The following HS6ST2 variants were observed in gnomAD, a reference collection of about 807,000 sequenced individuals.
HS6ST2 encodes the protein heparan-sulfate 6-O-sulfotransferase 2.
HS6ST2 carries 17 observed loss-of-function variants against 33.0 expected under a neutral mutation model. That is an observed-to-expected ratio of 0.52 (90% CI 0.35 to 0.77). HS6ST2 has a LOEUF of 0.77. HS6ST2 is among the 30% of genes least tolerant of loss of function. The pLI, the probability that HS6ST2 is intolerant of heterozygous loss-of-function variation, is 0.01. For synonymous variants in HS6ST2, 248 were observed against 237.1 expected (o/e 1.05, Z -0.42); for missense variants, 519 against 551.7 (o/e 0.94, Z 0.59).
At chrX:132,635,543 C>G (rs1020272713) in intron 4 of HS6ST2, among the ~76,000 whole-genome samples, 2 of 111,718 alleles carry the variant, frequency 1.8e-5, no homozygotes, top group African/African-American at 6.5e-5. Flanking sequence ...CCAGCCTTCT[C>G]AAGTGAGCTC....
intron 3 of HS6ST2, among the ~76,000 whole-genome samples, chrX:132,685,550 A>G (rs997996043): frequency 4.5e-5 from 5 of 111,201 alleles, no homozygotes; most frequent in African/African-American, 1.6e-4. Flanking sequence ...TACCCAGAGA[A>G]GCTGTATACA....
At chrX:132,859,466 TAA>T (rs2065887173) in intron 2 of HS6ST2, among the ~76,000 whole-genome samples, 1 of 108,994 alleles carries the variant, frequency 9.2e-6, no homozygotes, top group South Asian at 4.0e-4. Flanking sequence ...AGAGTAAAAA[TAA>T]AGAGGAAATG....
intron 2 of HS6ST2, among the ~76,000 whole-genome samples, chrX:132,823,701 C>CAA (rs34640492): frequency 1.6e-5 from 1 of 61,284 alleles, no homozygotes. Flanking sequence ...ACTAAAAATA[C>CAA]AAAAAAAAAA....
intron 2 of HS6ST2, among the ~76,000 whole-genome samples, chrX:132,874,304 A>G (rs2066089794): frequency 8.9e-6 from 1 of 112,813 alleles, no homozygotes; most frequent in Non-Finnish European, 1.9e-5. Context: ...CCGGCTGGGC[A>G]TGGTGGCTCA....
intron 4 of HS6ST2, among the ~76,000 whole-genome samples, chrX:132,658,746 G>C (rs1289338253): frequency 1.8e-5 from 2 of 112,226 alleles, no homozygotes; most frequent in African/African-American, 6.5e-5. Context: ...AGAGAAGGCT[G>C]TTTGCAAATT....
intron 4 of HS6ST2, among the ~76,000 whole-genome samples, chrX:132,648,914 T>G (rs2063667337): frequency 8.9e-6 from 1 of 112,083 alleles, no homozygotes; most frequent in African/African-American, 3.2e-5. Context: ...TAAAAGATCC[T>G]GAAATGTGTG....
At chrX:132,946,871 G>C (rs900137138) in intron 2 of HS6ST2, among the ~76,000 whole-genome samples, 2 of 111,843 alleles carry the variant, frequency 1.8e-5, no homozygotes, top group Admixed American at 9.5e-5. Flanking sequence ...AATAGTAATA[G>C]ATCTTCTTGG....
intron 2 of HS6ST2, among the ~76,000 whole-genome samples, chrX:132,850,157 T>A (rs2065788765): frequency 8.9e-6 from 1 of 112,518 alleles, no homozygotes; most frequent in African/African-American, 3.2e-5. Context: ...TATGGTTTTA[T>A]AATGTTCCCT....
At position 132,689,260 on chromosome X, in the gene HS6ST2, G is replaced by T. The variant is rs148090848; in HGVS notation, c.980+19202C>A. ...TTGGTGGGAGATGCCATATCAAATA[G>T]ATAAGTAATTAGCCAGAAATCGGTA... On this transcript the variant is annotated intron_variant, in intron 3 of 4. Transcript: ENST00000370833. Among the ~76,000 whole-genome samples, 811 of 112,398 alleles carry T rather than the reference G, an allele frequency of 7.2e-3. 5 individuals carry two copies. The highest frequency in any genetic ancestry group is 0.025 in the African/African-American group (769 of 30,925).
rs761404801 is a variant in HS6ST2, at chrX:132,780,109, A to C, written c.948-71615T>G. 9.9e-5 allele frequency among the ~76,000 whole-genome samples: 11 copies of C among 111,105 alleles called. No homozygotes were observed. In the South Asian group the frequency reaches 4.2e-3, roughly 43 times the overall value. On this transcript the variant is annotated intron_variant, in intron 2 of 4. Coordinates refer to ENST00000370833, the MANE Select transcript of HS6ST2 (RefSeq NM_001394073.1). ...GATCAGCTACATGGAATACATGTTGAGCCCATCTCTGATTTGCACAGGAGC... is the reference window on the plus strand; with the variant it reads ...GATCAGCTACATGGAATACATGTTGCGCCCATCTCTGATTTGCACAGGAGC...
intron 2 of HS6ST2, among the ~76,000 whole-genome samples, chrX:132,753,097 C>A (rs2064723241): frequency 9.0e-6 from 1 of 111,495 alleles, no homozygotes; most frequent in Admixed American, 9.5e-5. Context: ...GCTCTGGCTG[C>A]TGGGCACAGC....
intron 3 of HS6ST2, among the ~76,000 whole-genome samples, chrX:132,681,737 T>C (rs1245443344): frequency 8.9e-6 from 1 of 112,622 alleles, no homozygotes; most frequent in African/African-American, 3.2e-5. Flanking sequence ...CCGTCACCTC[T>C]TTGTAATATA....
chrX:132,691,778 A>T (rs1445430085), intron 3 of HS6ST2, among the ~76,000 whole-genome samples: 1 of 112,024 alleles, frequency 8.9e-6, no homozygotes, highest in Non-Finnish European at 1.9e-5. Context: ...TTCTGTTAAA[A>T]ATAAATCTCT....
At chrX:132,890,483 G>C (rs1293885888) in intron 2 of HS6ST2, among the ~76,000 whole-genome samples, 3 of 107,798 alleles carry the variant, frequency 2.8e-5, no homozygotes, top group Non-Finnish European at 5.8e-5. Context: ...GAGCAGGGAT[G>C]GGTTTTAAAG....
intron 2 of HS6ST2, among the ~76,000 whole-genome samples, chrX:132,930,532 C>A (rs1168220654): frequency 9.0e-6 from 1 of 111,015 alleles, no homozygotes; most frequent in Non-Finnish European, 1.9e-5. Flanking sequence ...TTGAGGCAGG[C>A]TGGAAGAGCT....
chrX:132,813,775 G>A (rs1369071831), intron 2 of HS6ST2, among the ~76,000 whole-genome samples: 5 of 109,610 alleles, frequency 4.6e-5, no homozygotes, highest in Non-Finnish European at 9.5e-5. Flanking sequence ...TTTACCTACC[G>A]TAAAAGCCTC....
intron 2 of HS6ST2, among the ~76,000 whole-genome samples, chrX:132,895,992 T>C (rs971024288): frequency 9.0e-6 from 1 of 111,194 alleles, no homozygotes; most frequent in Non-Finnish European, 1.9e-5. Flanking sequence ...AAAGACTTTA[T>C]GTTAAGTGAA....
intron 4 of HS6ST2, among the ~76,000 whole-genome samples, chrX:132,634,993 C>T (rs1373372810): frequency 3.6e-5 from 4 of 111,485 alleles, no homozygotes; most frequent in African/African-American, 6.5e-5. Flanking sequence ...TCCCTTGCTG[C>T]CTATCTGTAA....
At chrX:132,832,523 T>C (rs1338114236) in intron 2 of HS6ST2, among the ~76,000 whole-genome samples, 1 of 112,007 alleles carries the variant, frequency 8.9e-6, no homozygotes, top group African/African-American at 3.2e-5. Flanking sequence ...AAAATAATTT[T>C]TTCTCTTACT....
Sources: gnomAD v4.1 joint callset for allele counts (sites outside exome capture counted in the v4.1 genomes callset) on GRCh38, gnomAD v4.1.1 for gene constraint, MANE v1.5 for transcripts, NCBI Gene and HGNC (gene_info 2026-07-23, HGNC 2026-07-21) for gene names.